The following ADAM28 variants were observed in gnomAD, a reference collection of about 807,000 sequenced individuals.
ADAM28 encodes ADAM metallopeptidase domain 28.
ADAM28 carries 105 observed loss-of-function variants against 101.2 expected under a neutral mutation model. That is an observed-to-expected ratio of 1.04 (90% CI 0.89 to 1.22). The LOEUF (loss-of-function observed/expected upper bound fraction) is 1.22. Among genes scored for constraint, ADAM28 ranks in the 50% most tolerant of loss-of-function variants. ADAM28 has a pLI of 0.00. For missense variants in ADAM28, 1,028 were observed against 945.4 expected (o/e 1.09, Z -1.15); for synonymous variants, 322 against 310.6 (o/e 1.04, Z -0.39).
chr8:24,352,471 A>C (rs1273200529), intron 21 of ADAM28, among the ~76,000 whole-genome samples: 3 of 152,192 alleles, frequency 2.0e-5, no homozygotes, highest in African/African-American at 7.2e-5. Flanking sequence ...GTATCCTCAC[A>C]TAGCAGAGGG....
At chr8:24,308,585 A>G in intron 2 of ADAM28, 1 of 455,978 alleles carries the variant, frequency 2.2e-6, no homozygotes. Flanking sequence ...CCTGAACAGT[A>G]AGAGGTTATG....
rs1816556289 is a variant in ADAM28, at chr8:24,354,656, A to G, written c.*252A>G. ...TAAGAAGGAAGATGATTGTAAAGAA[A>G]TATCTCCGAAGTTAAAATCTGTAAT... On this transcript the variant is annotated 3_prime_UTR_variant, in exon 23 of 23. Transcript: ENST00000265769. The G allele has an allele frequency of 2.8e-6, 1 of 355,116 alleles. No individual in the cohort carries two copies. The highest frequency in any genetic ancestry group is 5.3e-5 in the East Asian group (1 of 18,950). 22.0% of individuals were successfully genotyped at this position (355,116 alleles called of 1,614,324 possible). A position where few individuals can be genotyped will look rare whatever the true frequency, so the allele number is the denominator to read the frequency against.
At chr8:24,336,597 AAAG>A (rs1814111071) in intron 14 of ADAM28, among the ~76,000 whole-genome samples, 1 of 143,158 alleles carries the variant, frequency 7.0e-6, no homozygotes, top group East Asian at 1.9e-4. Flanking sequence ...AAAAAAAAAA[AAAG>A]AAAAAAAAAG....
At chr8:24,304,792 C>G (rs1031425902) in intron 2 of ADAM28, among the ~76,000 whole-genome samples, 1 of 151,506 alleles carries the variant, frequency 6.6e-6, no homozygotes, top group Non-Finnish European at 1.5e-5. Context: ...TTGGAAACCT[C>G]TAATCCCAAC....
intron 6 of ADAM28, among the ~76,000 whole-genome samples, chr8:24,314,032 C>T (rs1810831697): frequency 6.6e-6 from 1 of 152,132 alleles, no homozygotes; most frequent in Non-Finnish European, 1.5e-5. Flanking sequence ...GCTGAGATTA[C>T]AGGCATGAGC....
chr8:24,313,757 TA>T (rs200640634), intron 6 of ADAM28, among the ~76,000 whole-genome samples, 177 bp downstream of exon 6: 13 of 145,828 alleles, frequency 8.9e-5, no homozygotes, highest in East Asian at 4.2e-4. Context: ...AGGAATCAAC[TA>T]TTTTTTTTTT....
At chr8:24,320,833 T>C (rs986302300) in intron 7 of ADAM28, among the ~76,000 whole-genome samples, 5 of 151,998 alleles carry the variant, frequency 3.3e-5, no homozygotes, top group Non-Finnish European at 7.4e-5. Flanking sequence ...AACCATTAGC[T>C]CAGGCCCTAA....
At chr8:24,314,497 A>G (rs1177107547) in intron 6 of ADAM28, among the ~76,000 whole-genome samples, 1 of 152,148 alleles carries the variant, frequency 6.6e-6, no homozygotes, top group African/African-American at 2.4e-5. Context: ...TTTATTTCCA[A>G]GATTTATTTC....
At chr8:24,308,597 C>G (rs1253250451) in intron 2 of ADAM28, 1 of 456,152 alleles carries the variant, frequency 2.2e-6, no homozygotes, top group South Asian at 1.5e-5. Context: ...GAGGTTATGA[C>G]TATTCTGCAT....
intron 8 of ADAM28, 126 bp from the exon 9 acceptor site, chr8:24,323,708 A>G (rs755573921): frequency 2.1e-6 from 2 of 961,904 alleles, no homozygotes; most frequent in Non-Finnish European, 1.5e-6. Flanking sequence ...TGTTTCACAA[A>G]TATGCTTGGA....
At chr8:24,298,302 C>T (rs1259275396) in intron 1 of ADAM28, among the ~76,000 whole-genome samples, 2 of 152,078 alleles carry the variant, frequency 1.3e-5, no homozygotes, top group Non-Finnish European at 2.9e-5. Flanking sequence ...TACTTTAACA[C>T]CCCATTTTTG....
At chr8:24,336,041 T>G (rs113476197) in intron 14 of ADAM28, 501 of 525,802 alleles carry the variant, frequency 9.5e-4, no homozygotes, top group Non-Finnish European at 1.1e-3. Flanking sequence ...TGTGTGCGGG[T>G]GTGTGTGTGT....
intron 2 of ADAM28, among the ~76,000 whole-genome samples, chr8:24,303,643 T>C (rs1809140235): frequency 6.6e-6 from 1 of 152,204 alleles, no homozygotes; most frequent in African/African-American, 2.4e-5. Context: ...TGGTTTCATA[T>C]GAATTTTAAA....
chr8:24,318,380 G>A (rs982401957), intron 6 of ADAM28, among the ~76,000 whole-genome samples: 4 of 151,904 alleles, frequency 2.6e-5, no homozygotes, highest in Non-Finnish European at 5.9e-5. Context: ...AAATATTAGA[G>A]AACCTCACAT....
At chr8:24,343,239 G>A in intron 17 of ADAM28, 58 bp downstream of exon 17, 1 of 1,573,320 alleles carries the variant, frequency 6.4e-7, no homozygotes, top group Non-Finnish European at 8.7e-7. Flanking sequence ...TTCTAGGTCA[G>A]TCATAAGAAA....
rs2129234918 is a variant in ADAM28 at position 24,299,995 on chromosome 8, C to T, written c.68C>T (p.Pro23Leu). Residue 23 changes from proline to leucine, a missense_variant, in exon 2 of 23, where the codon CCT becomes CTT. Transcript: ENST00000265769. ...SVAVSAIKEL[P>L]GVKKYEVVYP... Reference sequence around the variant, plus strand: ...TCAGTAAGTGCTATAAAAGAACTCCCTGGGGTGAAGAAGTATGAAGTGGTT... The same window carrying T: ...TCAGTAAGTGCTATAAAAGAACTCCTTGGGGTGAAGAAGTATGAAGTGGTT... 1.2e-6 allele frequency: 2 copies of T among 1,612,854 alleles called. No individual in the cohort carries two copies. Among genetic ancestry groups the T allele is most frequent in the Non-Finnish European group, 8.5e-7 (1 of 1,179,898 alleles).
intron 6 of ADAM28, among the ~76,000 whole-genome samples, chr8:24,317,225 TC>T (rs2129279700): frequency 6.6e-6 from 1 of 151,684 alleles, no homozygotes; most frequent in Admixed American, 6.6e-5. Flanking sequence ...CCACAGAATA[TC>T]CCAAATAGTC....
chr8:24,351,654 T>C, intron 20 of ADAM28: 1 of 462,802 alleles, frequency 2.2e-6, no homozygotes, highest in South Asian at 2.2e-5. Context: ...GATACAAAAA[T>C]ATGTATGTCT....
chr8:24,331,282 C>A lies in ADAM28; in HGVS notation c.1236C>A (p.Asn412Lys). ...TDIISTPICG[N>K]QLVEMGEDCD... is the part of the protein sequence containing the mutation. ...TCATATCCACTCCAATTTGTGGGAA[C>A]CAGTTGGTGGAAATGGGAGAGGACT... The change falls in exon 12 of 23, where the codon AAC becomes AAA. Residue 412 changes from asparagine to lysine, a missense_variant. Coordinates refer to ENST00000265769, the MANE Select transcript of ADAM28 (RefSeq NM_014265.6). 1.2e-6 allele frequency: 2 copies of A among 1,612,500 alleles called. No individual in the cohort carries two copies. Among genetic ancestry groups the A allele is most frequent in the South Asian group, 1.1e-5 (1 of 90,710 alleles).
Sources: allele counts gnomAD v4.1 joint callset (sites outside exome capture counted in the v4.1 genomes callset), GRCh38; gene constraint gnomAD v4.1.1; transcripts MANE v1.5; gene names NCBI Gene and HGNC (gene_info 2026-07-23, HGNC 2026-07-21).